AUTS2: variants seen among roughly 807,000 people sequenced by gnomAD.
AUTS2 encodes the protein activator of transcription and developmental regulator AUTS2, also known as autism susceptibility gene 2 protein.
A neutral mutation model predicts 112.4 loss-of-function variants in AUTS2; 17 were observed. The observed-to-expected ratio is 0.15, with a 90% CI of 0.10 to 0.23. The LOEUF (loss-of-function observed/expected upper bound fraction) is 0.23, where lower values mean the gene tolerates loss of function less well. Ranked by LOEUF, AUTS2 falls within the 10% of genes least tolerant of loss-of-function variation. The probability of loss-of-function intolerance (pLI) is 1.00; values close to 1 mark genes in which losing one functional copy is unlikely to be tolerated. For missense variants in AUTS2, 1,510 were observed against 1,701.6 expected, an observed-to-expected ratio of 0.89 and a Z score of 1.98; for synonymous variants, 751 against 702.7, an observed-to-expected ratio of 1.07 and a Z score of -1.09.
intron 2 of AUTS2, among the ~76,000 whole-genome samples, chr7:69,914,356 GACACACACACACACAC>G (rs66527808): frequency 1.5e-5 from 2 of 136,002 alleles, no homozygotes; most frequent in African/African-American, 5.5e-5. Flanking sequence ...CACACACACA[GACACACACACACACAC>G]ACACACACAC....
intron 2 of AUTS2, among the ~76,000 whole-genome samples, chr7:70,090,841 G>T (rs1260440517): frequency 6.6e-6 from 1 of 151,870 alleles, no homozygotes; most frequent in African/African-American, 2.4e-5. Flanking sequence ...ACCATGCCCG[G>T]CTAATTTTTG....
In AUTS2 at chr7:70,243,509, G is replaced by A. The variant is rs181244267; in HGVS notation, c.660+108938G>A. Among the ~76,000 whole-genome samples, 8 of 152,058 alleles carry A rather than the reference G, an allele frequency of 5.3e-5. No individual in the cohort carries two copies. The East Asian group carries it at 9.7e-4, about 18-fold the overall frequency. Reference sequence around the variant, plus strand: ...CAACTGTTGAGACATTTCAGTGTGCGGAGACTCCCTCCTAGAACTCTTTAC... The same window carrying A: ...CAACTGTTGAGACATTTCAGTGTGCAGAGACTCCCTCCTAGAACTCTTTAC... On this transcript the variant is annotated intron_variant, in intron 4 of 18. Transcript: ENST00000342771.
chr7:69,914,356 G>GACACACACAC (rs66527808), intron 2 of AUTS2, among the ~76,000 whole-genome samples: 1,951 of 136,048 alleles, frequency 0.014, 23 homozygotes, highest in East Asian at 0.048. Flanking sequence ...CACACACACA[G>GACACACACAC]ACACACACAC....
intron 1 of AUTS2, among the ~76,000 whole-genome samples, chr7:69,874,669 A>G (rs1793649779): frequency 1.3e-5 from 2 of 151,010 alleles, no homozygotes; most frequent in Non-Finnish European, 1.5e-5. Flanking sequence ...TTTTTTTTCC[A>G]AGTTGTGGAG....
chr7:69,823,440 G>C (rs1791090871), intron 1 of AUTS2, among the ~76,000 whole-genome samples: 1 of 152,164 alleles, frequency 6.6e-6, no homozygotes. Flanking sequence ...TTGTTGAACT[G>C]TATGTTGAGC....
intron 5 of AUTS2, among the ~76,000 whole-genome samples, chr7:70,619,247 GC>G (rs1380399694): frequency 6.6e-6 from 1 of 152,194 alleles, no homozygotes; most frequent in African/African-American, 2.4e-5. Context: ...TTTAATAGGG[GC>G]CCGGTGGGAG....
At position 70,166,692 on chromosome 7, in the gene AUTS2, A is replaced by C. The variant is rs530706027; in HGVS notation, c.660+32121A>C. On this transcript the variant is annotated intron_variant, in intron 4 of 18. Coordinates refer to ENST00000342771, the MANE Select transcript of AUTS2 (RefSeq NM_015570.4). ...TCAGCTAATACAAAAGAAGGCAAAA[A>C]AATTAAGAAAAAAAGGGAACAAAAG... 2.0e-5 allele frequency among the ~76,000 whole-genome samples: 3 copies of C among 152,304 alleles called. No homozygotes were observed. The East Asian group carries it at 5.8e-4, about 29-fold the overall frequency.
intron 4 of AUTS2, among the ~76,000 whole-genome samples, chr7:70,356,646 A>T (rs981946833): frequency 1.3e-5 from 2 of 152,122 alleles, no homozygotes; most frequent in Admixed American, 6.5e-5. Flanking sequence ...TGCAGTGTGT[A>T]CTCAGTTATA....
intron 1 of AUTS2, among the ~76,000 whole-genome samples, chr7:69,615,929 C>CTAATCCTTT (rs1793346616): frequency 6.6e-6 from 1 of 152,206 alleles, no homozygotes; most frequent in Non-Finnish European, 1.5e-5. Flanking sequence ...GATTAGATTA[C>CTAATCCTTT]AGTGTTAGAG....
rs117158151 is a variant in AUTS2, at chr7:69,652,298, G to A, written c.309+52336G>A. On this transcript the variant is annotated intron_variant, in intron 1 of 18. Coordinates refer to ENST00000342771, the MANE Select transcript of AUTS2 (RefSeq NM_015570.4). The stretch of plus-strand genomic sequence containing the variant: ...AAAGTAGACACCTGTGCCTGATAGA[G>A]AGGCCATTCCATGTAGCAAAATAGG... Among the ~76,000 whole-genome samples the A allele has an allele frequency of 2.4e-3, 359 of 152,062 alleles. 1 individual carries two copies. The highest frequency in any genetic ancestry group is 0.01 in the Middle Eastern group (3 of 294).
intron 4 of AUTS2, among the ~76,000 whole-genome samples, chr7:70,376,260 A>G (rs1432000802): frequency 6.6e-6 from 1 of 152,216 alleles, no homozygotes; most frequent in African/African-American, 2.4e-5. Context: ...GGTATTAAAC[A>G]CATTGCTTAA....
At chr7:70,781,195 G>A (rs6973981) in intron 14 of AUTS2, among the ~76,000 whole-genome samples, 3 of 151,784 alleles carry the variant, frequency 2.0e-5, no homozygotes, top group Non-Finnish European at 2.9e-5. Context: ...ACCCCATATC[G>A]ACAAAAAATA....
At chr7:70,184,227 A>G (rs1809482704) in intron 4 of AUTS2, among the ~76,000 whole-genome samples, 1 of 152,212 alleles carries the variant, frequency 6.6e-6, no homozygotes, top group African/African-American at 2.4e-5. Flanking sequence ...TGACCTCAAA[A>G]AGAAAACCAG....
At chr7:69,992,311 G>A (rs1798772331) in intron 2 of AUTS2, among the ~76,000 whole-genome samples, 1 of 152,308 alleles carries the variant, frequency 6.6e-6, no homozygotes, top group East Asian at 1.9e-4. Context: ...GAATCTAAAA[G>A]CCTTGTTCCT....
At chr7:69,905,340 A>G (rs1039459672) in intron 2 of AUTS2, among the ~76,000 whole-genome samples, 3 of 152,204 alleles carry the variant, frequency 2.0e-5, no homozygotes, top group Non-Finnish European at 4.4e-5. Context: ...CCAGTAGAAT[A>G]TATATGTGGG....
At chr7:70,222,117 T>G (rs768005807) in intron 4 of AUTS2, among the ~76,000 whole-genome samples, 1 of 152,250 alleles carries the variant, frequency 6.6e-6, no homozygotes, top group Non-Finnish European at 1.5e-5. Flanking sequence ...ATTTTTCACA[T>G]TAACATTACT....
intron 4 of AUTS2, among the ~76,000 whole-genome samples, chr7:70,396,929 A>G (rs1378577661): frequency 6.6e-6 from 1 of 152,128 alleles, no homozygotes; most frequent in Non-Finnish European, 1.5e-5. Context: ...TATATGTTTA[A>G]TGTTTTACAA....
At chr7:70,617,254 A>G (rs972075741) in intron 5 of AUTS2, among the ~76,000 whole-genome samples, 5 of 152,168 alleles carry the variant, frequency 3.3e-5, no homozygotes, top group African/African-American at 4.8e-5. Flanking sequence ...TGCTCTGCTG[A>G]TTGAGGAAAT....
At chr7:70,033,234 A>C (rs1432560082) in intron 2 of AUTS2, among the ~76,000 whole-genome samples, 4 of 152,208 alleles carry the variant, frequency 2.6e-5, no homozygotes, top group African/African-American at 9.7e-5. Flanking sequence ...AAAAGGTATT[A>C]AGTTTCCTCA....
Sources: gnomAD v4.1 joint callset for allele counts (sites outside exome capture counted in the v4.1 genomes callset) on GRCh38, gnomAD v4.1.1 for gene constraint, MANE v1.5 for transcripts, NCBI Gene and HGNC (gene_info 2026-07-23, HGNC 2026-07-21) for gene names.